XXYLT1: variants seen among roughly 807,000 people sequenced by gnomAD.
XXYLT1 encodes the protein UDP-xylose:alpha-xyloside alpha-1,3-xylosyltransferase.
XXYLT1 carries 20 observed loss-of-function variants against 28.9 expected under a neutral mutation model. The observed-to-expected ratio is 0.69, with a 90% CI of 0.49 to 1.00. XXYLT1 has a LOEUF of 1.00. Among genes scored for constraint, XXYLT1 ranks in the 50% least tolerant of loss-of-function variants. The pLI is 0.00. For missense variants in XXYLT1, 542 were observed against 560.1 expected (o/e 0.97, Z 0.33); for synonymous variants, 257 against 253.8 (o/e 1.01, Z -0.12).
chr3:195,252,727 CAGAGAGAG>C (rs10649695), intron 1 of XXYLT1, among the ~76,000 whole-genome samples: 3 of 119,010 alleles, frequency 2.5e-5, no homozygotes, highest in South Asian at 2.5e-4. Flanking sequence ...CACACACACA[CAGAGAGAG>C]AGAGAGAGAG....
chr3:195,156,961 C>T (rs553491669), intron 2 of XXYLT1, among the ~76,000 whole-genome samples: 123 of 152,116 alleles, frequency 8.1e-4, no homozygotes, highest in African/African-American at 2.9e-3. Flanking sequence ...AAACTCAAAG[C>T]GGGCCGGGCA....
At chr3:195,075,721 C>T (rs553202160) in intron 3 of XXYLT1, among the ~76,000 whole-genome samples, 1 of 152,350 alleles carries the variant, frequency 6.6e-6, no homozygotes, top group Admixed American at 6.5e-5. Flanking sequence ...AAGCAGGTGG[C>T]AGGCATGTGC....
intron 3 of XXYLT1, among the ~76,000 whole-genome samples, chr3:195,120,826 G>A (rs1030814494): frequency 2.2e-4 from 34 of 152,166 alleles, no homozygotes; most frequent in Non-Finnish European, 4.3e-4. Flanking sequence ...AGCACGGAGA[G>A]GGTGTGCGGC....
intron 2 of XXYLT1, 132 bp downstream of exon 2, chr3:195,226,577 G>T: frequency 1.6e-6 from 2 of 1,216,128 alleles, no homozygotes; most frequent in Non-Finnish European, 2.2e-6. Context: ...GCTTGGTCTG[G>T]CTCCCTCGTC....
intron 1 of XXYLT1, 59 bp downstream of exon 1, chr3:195,270,496 G>C: frequency 7.4e-7 from 1 of 1,351,452 alleles, no homozygotes; most frequent in Middle Eastern, 2.7e-4. Flanking sequence ...AGCGCAAACT[G>C]ACCTCGCCTA....
chr3:195,076,066 C>T lies in XXYLT1; in HGVS notation c.786-5955G>A, dbSNP rs567318912. ...TCCCCTCCAGAAAGAACCAGCACCA[C>T]GGCCTCCGCCTCCTGGAGCCTCTCC... On this transcript the variant is annotated intron_variant, in intron 3 of 3. Transcript: ENST00000310380. The surrounding 1 kb of genome is among the most constrained non-coding windows in gnomAD (Gnocchi z 5.3). Among the ~76,000 whole-genome samples, 6 of 152,348 alleles carry T rather than the reference C, an allele frequency of 3.9e-5. No individual in the cohort carries two copies. The highest frequency in any genetic ancestry group is 9.6e-5 in the African/African-American group (4 of 41,578).
chr3:195,204,689 C>G (rs111994670), intron 2 of XXYLT1, among the ~76,000 whole-genome samples: 5 of 152,210 alleles, frequency 3.3e-5, no homozygotes, highest in Non-Finnish European at 5.9e-5. Context: ...CTACCCACAA[C>G]CCGCAATGTG....
intron 3 of XXYLT1, among the ~76,000 whole-genome samples, chr3:195,096,368 C>T (rs544536405): frequency 2.6e-5 from 4 of 152,284 alleles, no homozygotes; most frequent in South Asian, 2.1e-4. Flanking sequence ...CAACATGTGA[C>T]GCAGACACCA....
At chr3:195,188,849 T>C (rs76018630) in intron 2 of XXYLT1, among the ~76,000 whole-genome samples, 3,438 of 152,324 alleles carry the variant, frequency 0.023, 115 homozygotes, top group African/African-American at 0.079. Flanking sequence ...CACAAAAATT[T>C]TGTGACAACA....
rs1207796815 is a variant in XXYLT1, at chr3:195,076,943, T to G, written c.786-6832A>C. ...TCCCACAAAAGGTGACACTCAGAAG[T>G]GCTGGGGGCTAGGATTTCTGCAGAG... is the stretch of plus-strand genomic sequence containing the variant. On this transcript the variant is annotated intron_variant, in intron 3 of 3. Coordinates refer to ENST00000310380, the MANE Select transcript of XXYLT1 (RefSeq NM_152531.5). The surrounding 1 kb of genome is among the most constrained non-coding windows in gnomAD (Gnocchi z 5.3). Among the ~76,000 whole-genome samples, 1 of 152,114 alleles carries G rather than the reference T, an allele frequency of 6.6e-6. No homozygotes were observed. The highest frequency in any genetic ancestry group is 6.5e-5 in the Admixed American group (1 of 15,282).
At chr3:195,206,795 G>C (rs957780218) in intron 2 of XXYLT1, among the ~76,000 whole-genome samples, 1 of 151,958 alleles carries the variant, frequency 6.6e-6, no homozygotes, top group African/African-American at 2.4e-5. Context: ...CTGTTAGAGA[G>C]ACTTATCAAA....
rs1321000879 is a variant in XXYLT1, at chr3:195,070,003, C to T, written c.894G>A (p.Glu298=). The T allele has an allele frequency of 6.2e-7, 1 of 1,606,384 alleles. No homozygotes were observed. The highest frequency in any genetic ancestry group is 1.3e-5 in the African/African-American group (1 of 74,920). The change falls in exon 4 of 4, where the codon GAG becomes GAA. Residue 298 remains glutamate (E), a synonymous_variant. Transcript: ENST00000310380. ...FNSGVMLLNL[E]AMRQSPLYSR... is the part of the protein sequence containing the mutation. ...TGTAGAGCGGGGACTGGCGCATGGC[C>T]TCCAGGTTCAGCAACATCACCCCGC...
At chr3:195,212,790 C>T (rs542412271) in intron 2 of XXYLT1, among the ~76,000 whole-genome samples, 1 of 152,302 alleles carries the variant, frequency 6.6e-6, no homozygotes, top group South Asian at 2.1e-4. Context: ...AAACCAGTCA[C>T]TGGTGCCACA....
chr3:195,203,783 G>A (rs964406840), intron 2 of XXYLT1, among the ~76,000 whole-genome samples: 8 of 152,194 alleles, frequency 5.3e-5, no homozygotes, highest in African/African-American at 1.9e-4. Flanking sequence ...ATGGGGCTGT[G>A]AGGCCAGGCA....
intron 3 of XXYLT1, among the ~76,000 whole-genome samples, chr3:195,137,313 G>A (rs1479778277): frequency 1.3e-5 from 2 of 152,218 alleles, no homozygotes; most frequent in African/African-American, 4.8e-5. Context: ...CATATTGTTG[G>A]AAGCTATTTT....
At chr3:195,127,577 A>C (rs529168720) in intron 3 of XXYLT1, among the ~76,000 whole-genome samples, 1 of 152,068 alleles carries the variant, frequency 6.6e-6, no homozygotes, top group Non-Finnish European at 1.5e-5. Flanking sequence ...GGAGTTCAAG[A>C]CCAGCATGGG....
At chr3:195,175,983 G>T in intron 2 of XXYLT1, 66 of 1,172,740 alleles carry the variant, frequency 5.6e-5, no homozygotes, top group Non-Finnish European at 7.3e-5. Flanking sequence ...TAACACAGAG[G>T]TCATCAGTGT....
chr3:195,163,576 C>G (rs750587237), intron 2 of XXYLT1, among the ~76,000 whole-genome samples: 8 of 152,212 alleles, frequency 5.3e-5, no homozygotes, highest in Non-Finnish European at 1.2e-4. Context: ...ATTCCCAGCC[C>G]ATAAAACTCC....
chr3:195,078,848 C>T lies in XXYLT1; in HGVS notation c.786-8737G>A, dbSNP rs1715270866. On this transcript the variant is annotated intron_variant, in intron 3 of 3. Coordinates refer to ENST00000310380, the MANE Select transcript of XXYLT1 (RefSeq NM_152531.5). This position sits in a 1 kb window ranked among gnomAD's most constrained non-coding sequence, Gnocchi z 5.0. ...TTCCTCTCTGCTCCATCCCTAGGGA[C>T]ACCCTCAAGAATTCCAAATGCTGAT... 6.6e-6 allele frequency among the ~76,000 whole-genome samples: 1 copy of T among 152,188 alleles called. No homozygotes were observed. The highest frequency in any genetic ancestry group is 2.4e-5 in the African/African-American group (1 of 41,440).
Sources: allele counts gnomAD v4.1 joint callset (sites outside exome capture counted in the v4.1 genomes callset), GRCh38; gene constraint gnomAD v4.1.1; non-coding constraint Gnocchi (gnomAD v3.1); transcripts MANE v1.5; gene names NCBI Gene and HGNC (gene_info 2026-07-23, HGNC 2026-07-21).